The following APBB2 variants were observed in gnomAD, a reference collection of about 807,000 sequenced individuals.
APBB2 encodes amyloid beta precursor protein binding family B member 2.
APBB2 carries 38 observed loss-of-function variants against 82.5 expected under a neutral mutation model. The ratio of observed to expected loss-of-function variants is 0.46; its 90% confidence interval spans 0.36 to 0.60. The LOEUF is 0.60. Ranked by LOEUF, APBB2 falls within the 20% of genes least tolerant of loss-of-function variation. The probability of loss-of-function intolerance (pLI) is 0.00; values close to 1 mark genes in which losing one functional copy is unlikely to be tolerated. For missense variants in APBB2, 772 were observed against 972.3 expected, an observed-to-expected ratio of 0.79 and a Z score of 2.74; for synonymous variants, 341 against 368.2, an observed-to-expected ratio of 0.93 and a Z score of 0.85.
chr4:41,130,713 A>G (rs1755720544), intron 2 of APBB2, among the ~76,000 whole-genome samples: 1 of 152,110 alleles, frequency 6.6e-6, no homozygotes, highest in Admixed American at 6.5e-5. Context: ...GGCCTTCTAC[A>G]GAGGCCAGTC....
At chr4:41,049,079 C>A (rs1724613176) in intron 4 of APBB2, among the ~76,000 whole-genome samples, 1 of 151,700 alleles carries the variant, frequency 6.6e-6, no homozygotes, top group South Asian at 2.1e-4. Flanking sequence ...TCTGCCCGGC[C>A]GCCACCCCGT....
At chr4:41,093,172 A>C (rs528347237) in intron 3 of APBB2, among the ~76,000 whole-genome samples, 1 of 152,314 alleles carries the variant, frequency 6.6e-6, no homozygotes, top group East Asian at 1.9e-4. Context: ...TGTTGATCTC[A>C]AGTAATAATT....
intron 1 of APBB2, among the ~76,000 whole-genome samples, chr4:41,206,160 A>G (rs1193529336): frequency 6.6e-6 from 1 of 152,202 alleles, no homozygotes; most frequent in African/African-American, 2.4e-5. Flanking sequence ...TTACAAAAGG[A>G]GTAGCAAATC....
At chr4:41,177,874 C>A (rs927739274) in intron 1 of APBB2, among the ~76,000 whole-genome samples, 1 of 152,116 alleles carries the variant, frequency 6.6e-6, no homozygotes, top group African/African-American at 2.4e-5. Context: ...CATCCATAAT[C>A]CAAAAATCTG....
chr4:41,094,693 T>C (rs1185547191), intron 3 of APBB2, among the ~76,000 whole-genome samples: 1 of 152,108 alleles, frequency 6.6e-6, no homozygotes, highest in African/African-American at 2.4e-5. Context: ...GCATCCCGAG[T>C]AGCTGGGATT....
chr4:40,938,938 C>A (rs1187043051), intron 7 of APBB2, among the ~76,000 whole-genome samples: 1 of 152,148 alleles, frequency 6.6e-6, no homozygotes, highest in Non-Finnish European at 1.5e-5. Context: ...TGGATTAATT[C>A]ACCCATGGAT....
intron 1 of APBB2, among the ~76,000 whole-genome samples, chr4:41,210,380 T>G (rs1032385854): frequency 3.3e-5 from 5 of 152,090 alleles, no homozygotes; most frequent in Admixed American, 1.3e-4. Flanking sequence ...ACACAGTGAA[T>G]TGAAGTAAGG....
intron 12 of APBB2, among the ~76,000 whole-genome samples, chr4:40,838,398 T>C (rs542983898): frequency 1.4e-5 from 2 of 144,012 alleles, no homozygotes; most frequent in South Asian, 2.2e-4. Context: ...TGCAGTGGTG[T>C]GATCTCGACT....
chr4:40,826,975 G>C lies in APBB2; in HGVS notation c.1732+157C>G. Reference sequence around the variant, plus strand: ...CCTAGTGATGCAAAATCAACTCTGTGCCTCTGTGAGACCCAGCGTGCAGGC... The same window carrying C: ...CCTAGTGATGCAAAATCAACTCTGTCCCTCTGTGAGACCCAGCGTGCAGGC... On this transcript the variant is annotated intron_variant, in intron 14 of 17. Coordinates refer to ENST00000508593, the MANE Select transcript of APBB2 (RefSeq NM_004307.2). The surrounding 1 kb of genome is among the most constrained non-coding windows in gnomAD (Gnocchi z 4.5). 1 of 639,298 alleles carries C rather than the reference G, an allele frequency of 1.6e-6. No homozygotes were observed. The allele number at this position is 639,298 out of a possible 1,614,324, so 39.6% of individuals were successfully genotyped here.
At chr4:40,883,450 G>A (rs1325473838) in intron 12 of APBB2, among the ~76,000 whole-genome samples, 1 of 152,124 alleles carries the variant, frequency 6.6e-6, no homozygotes, top group Non-Finnish European at 1.5e-5. Flanking sequence ...AGCTGGGCAT[G>A]GTGGCGCATG....
intron 2 of APBB2, among the ~76,000 whole-genome samples, chr4:41,140,767 G>A (rs1580356922): frequency 1.3e-5 from 2 of 152,140 alleles, no homozygotes; most frequent in African/African-American, 2.4e-5. Flanking sequence ...TCATAGGAAC[G>A]CAAATGCTAT....
chr4:40,914,239 G>A (rs1578396095), intron 10 of APBB2, among the ~76,000 whole-genome samples: 1 of 152,126 alleles, frequency 6.6e-6, no homozygotes, highest in Admixed American at 6.5e-5. Flanking sequence ...CAGGCATGGT[G>A]GCAGGCGCCT....
chr4:41,060,040 T>C (rs1394274671), intron 4 of APBB2, among the ~76,000 whole-genome samples: 1 of 151,594 alleles, frequency 6.6e-6, no homozygotes, highest in Non-Finnish European at 1.5e-5. Flanking sequence ...AGGACACCCA[T>C]GGGGCACTAA....
At chr4:41,121,724 T>C (rs1185002623) in intron 2 of APBB2, among the ~76,000 whole-genome samples, 2 of 152,168 alleles carry the variant, frequency 1.3e-5, no homozygotes, top group Non-Finnish European at 2.9e-5. Context: ...GGTGGCTCTC[T>C]ATATAGGGTC....
At chr4:40,992,245 C>T (rs1337445914) in intron 6 of APBB2, among the ~76,000 whole-genome samples, 1 of 152,074 alleles carries the variant, frequency 6.6e-6, no homozygotes, top group East Asian at 1.9e-4. Context: ...TAATTATAGC[C>T]TTGACCACCT....
At chr4:40,883,414 C>T (rs1160098328) in intron 12 of APBB2, among the ~76,000 whole-genome samples, 2 of 152,108 alleles carry the variant, frequency 1.3e-5, no homozygotes, top group African/African-American at 2.4e-5. Flanking sequence ...CGGCGAAACC[C>T]CGCCTCTACT....
intron 1 of APBB2, among the ~76,000 whole-genome samples, chr4:41,174,573 G>A (rs1472504881): frequency 1.3e-5 from 2 of 152,136 alleles, no homozygotes; most frequent in African/African-American, 2.4e-5. Context: ...TGCCCATGAG[G>A]TAAGTACAAA....
chr4:41,068,781 C>T (rs1732811607), intron 3 of APBB2, among the ~76,000 whole-genome samples: 1 of 139,650 alleles, frequency 7.2e-6, no homozygotes, highest in African/African-American at 2.6e-5. Flanking sequence ...AAACTATTAC[C>T]AACCATCTTT....
In APBB2 at chr4:41,200,327, G is replaced by A. The variant is rs140783502; in HGVS notation, c.-417+14078C>T. 2.5e-3 allele frequency among the ~76,000 whole-genome samples: 386 copies of A among 151,978 alleles called. 4 individuals are homozygous for A. Among genetic ancestry groups the A allele is most frequent in the African/African-American group, 8.3e-3 (345 of 41,452 alleles). ...TGAAATAGAAGAGGAAGTACTAACA[G>A]GTTATTCCAAAGGATAATTCAATAA... On this transcript the variant is annotated intron_variant, in intron 1 of 17. Transcript: ENST00000508593.
Sources: gnomAD v4.1 joint callset for allele counts (sites outside exome capture counted in the v4.1 genomes callset) on GRCh38, gnomAD v4.1.1 for gene constraint, Gnocchi (gnomAD v3.1) non-coding constraint, MANE v1.5 for transcripts, NCBI Gene and HGNC (gene_info 2026-07-23, HGNC 2026-07-21) for gene names.